PEX14: variants seen among roughly 807,000 people sequenced by gnomAD.
PEX14 encodes the protein peroxisomal membrane protein PEX14.
A neutral mutation model predicts 49.5 loss-of-function variants in PEX14; 15 were observed. That is an observed-to-expected ratio of 0.30 (90% CI 0.20 to 0.47). The LOEUF (loss-of-function observed/expected upper bound fraction) is 0.47, where lower values mean the gene tolerates loss of function less well. Among genes scored for constraint, PEX14 ranks in the 20% least tolerant of loss-of-function variants. The pLI is 1.00. For synonymous variants in PEX14, 210 were observed against 212.7 expected, an observed-to-expected ratio of 0.99 and a Z score of 0.11; for missense variants, 398 against 494.8, an observed-to-expected ratio of 0.80 and a Z score of 1.86.
rs1448588515 is a variant in PEX14, at chr1:10,480,212, TG to T, written c.36+5211del. ...TTGCCCTCTCAATGTTTTTTTTTTT[TG>T]TTTTGTTTTGTTTTTGAGATGGAGT... On this transcript the variant is annotated intron_variant, in intron 1 of 8. Coordinates refer to ENST00000356607, the MANE Select transcript of PEX14 (RefSeq NM_004565.3). Among the ~76,000 whole-genome samples the T allele has an allele frequency of 5.4e-3, 751 of 139,476 alleles. 7 individuals are homozygous for T. The highest frequency in any genetic ancestry group is 0.017 in the African/African-American group (644 of 36,950). The allele number at this position is 139,476 out of a possible 152,430, so 91.5% of individuals were successfully genotyped here.
At chr1:10,593,724 C>T (rs1227506640) in intron 3 of PEX14, among the ~76,000 whole-genome samples, 2 of 152,076 alleles carry the variant, frequency 1.3e-5, no homozygotes, top group Non-Finnish European at 2.9e-5. Flanking sequence ...GTGGGGGAGG[C>T]CCCATAAACA....
At chr1:10,578,541 A>T (rs185503440) in intron 3 of PEX14, among the ~76,000 whole-genome samples, 28 of 152,282 alleles carry the variant, frequency 1.8e-4, no homozygotes, top group African/African-American at 6.5e-4. Context: ...GTATAAAATT[A>T]AAAAACTACT....
chr1:10,623,247 G>A lies in PEX14; in HGVS notation c.487+126G>A. The A allele has an allele frequency of 2.0e-5, 14 of 705,994 alleles. No homozygotes were observed. In the South Asian group the frequency reaches 2.1e-4, roughly 11 times the overall value. The allele number at this position is 705,994 out of a possible 1,614,324, so 43.7% of individuals were successfully genotyped here. On this transcript the variant is annotated intron_variant, in intron 6 of 8. Coordinates refer to ENST00000356607, the MANE Select transcript of PEX14 (RefSeq NM_004565.3). This position sits in a 1 kb window ranked among gnomAD's most constrained non-coding sequence, Gnocchi z 4.4. ...CTTCATTTATCTGCTCTGAGAATCT[G>A]TTCACATTTGCAAATGAAGCCGCCG... is the stretch of plus-strand genomic sequence containing the variant.
At chr1:10,515,917 G>C (rs1455734841) in intron 2 of PEX14, among the ~76,000 whole-genome samples, 1 of 152,168 alleles carries the variant, frequency 6.6e-6, no homozygotes, top group Non-Finnish European at 1.5e-5. Flanking sequence ...ATTAGCCTCT[G>C]TGTGTTGGGC....
At chr1:10,480,827 G>GTC (rs1182681140) in intron 1 of PEX14, among the ~76,000 whole-genome samples, 4 of 149,132 alleles carry the variant, frequency 2.7e-5, no homozygotes, top group East Asian at 1.9e-4. Flanking sequence ...CTTTATGTCA[G>GTC]TCTCTCTCTC....
chr1:10,554,490 G>A (rs181432399), intron 3 of PEX14, among the ~76,000 whole-genome samples: 102 of 152,240 alleles, frequency 6.7e-4, no homozygotes, highest in Non-Finnish European at 1.1e-3. Flanking sequence ...AAGAGGCAGG[G>A]AGAAGGGCAT....
intron 4 of PEX14, among the ~76,000 whole-genome samples, chr1:10,616,612 G>C (rs1164308698): frequency 6.6e-6 from 1 of 152,178 alleles, no homozygotes; most frequent in Admixed American, 6.5e-5. Flanking sequence ...TCCTTCGGGG[G>C]GAGGCAGAGC....
chr1:10,555,972 C>T (rs955603813), intron 3 of PEX14, among the ~76,000 whole-genome samples: 8 of 151,820 alleles, frequency 5.3e-5, no homozygotes, highest in Non-Finnish European at 7.4e-5. Flanking sequence ...ATGTCCTTGG[C>T]GCAGGCACTG....
In PEX14 at chr1:10,629,666, C is replaced by A. The variant is rs781645950; in HGVS notation, c.813C>A (p.Ser271=). The change falls in exon 9 of 9, where the codon TCC becomes TCA. Residue 271 remains serine, a synonymous_variant. Coordinates refer to ENST00000356607, the MANE Select transcript of PEX14 (RefSeq NM_004565.3). This position sits in a 1 kb window ranked among gnomAD's most constrained non-coding sequence, Gnocchi z 8.5. ...ACATCTCACCTGTCAGCAACGAGTC[C>A]ACGTCGTCCTCGCCTGGGAAGGAGG... ...SSDISPVSNE[S]TSSSPGKEGH... 1.9e-6 allele frequency: 3 copies of A among 1,613,796 alleles called. No individual in the cohort carries two copies. In the African/African-American group the frequency reaches 4.0e-5, roughly 22 times the overall value.
intron 3 of PEX14, among the ~76,000 whole-genome samples, chr1:10,594,925 G>T (rs1185135728): frequency 6.6e-6 from 1 of 152,120 alleles, no homozygotes; most frequent in Non-Finnish European, 1.5e-5. Flanking sequence ...ATCTTCTAGG[G>T]GATAAAAATA....
rs1428408007 is a variant in PEX14 at position 10,609,773 on chromosome 1, T to C, written c.299-8559T>C. ...GGTGGCGGGCGCCTGTAATCCCAGCTACTCGAGAGGATGAGGCAGGAGAAT... is the reference window on the plus strand; with the variant it reads ...GGTGGCGGGCGCCTGTAATCCCAGCCACTCGAGAGGATGAGGCAGGAGAAT... On this transcript the variant is annotated intron_variant, in intron 4 of 8. Transcript: ENST00000356607. Among the ~76,000 whole-genome samples the C allele has an allele frequency of 1.5e-4, 23 of 152,062 alleles. 1 individual carries two copies. The highest frequency in any genetic ancestry group is 1.5e-3 in the Admixed American group (23 of 15,258).
At chr1:10,497,483 A>T (rs945201187) in intron 2 of PEX14, among the ~76,000 whole-genome samples, 1 of 152,222 alleles carries the variant, frequency 6.6e-6, no homozygotes, top group Non-Finnish European at 1.5e-5. Context: ...CAGACAATTG[A>T]GGAATAAAAC....
intron 3 of PEX14, among the ~76,000 whole-genome samples, chr1:10,584,825 G>A (rs1640432415): frequency 6.6e-6 from 1 of 152,098 alleles, no homozygotes; most frequent in African/African-American, 2.4e-5. Context: ...GATCTTACAT[G>A]GAAACATAGA....
intron 3 of PEX14, among the ~76,000 whole-genome samples, chr1:10,538,916 A>G (rs565394970): frequency 2.0e-5 from 3 of 152,228 alleles, no homozygotes; most frequent in African/African-American, 2.4e-5. Context: ...ACTTCAGGGA[A>G]TTGCAGTGGA....
intron 4 of PEX14, among the ~76,000 whole-genome samples, chr1:10,608,322 A>T (rs12722934): frequency 0.67 from 101,792 of 152,062 alleles, 35,713 homozygotes; most frequent in Non-Finnish European, 0.79. Flanking sequence ...CCTATACCTT[A>T]TGTTCAAAAG....
At chr1:10,625,836 C>T (rs1217098966) in intron 7 of PEX14, among the ~76,000 whole-genome samples, 1 of 152,196 alleles carries the variant, frequency 6.6e-6, no homozygotes, top group African/African-American at 2.4e-5. Flanking sequence ...CCGGGATGTG[C>T]TTGGTGGTGA....
At chr1:10,568,102 T>A (rs1375024818) in intron 3 of PEX14, among the ~76,000 whole-genome samples, 1 of 152,220 alleles carries the variant, frequency 6.6e-6, no homozygotes, top group Non-Finnish European at 1.5e-5. Context: ...AGGTGCTATA[T>A]GTAAATAACA....
chr1:10,613,369 C>A lies in PEX14; in HGVS notation c.299-4963C>A, dbSNP rs532697494. Among the ~76,000 whole-genome samples the A allele has an allele frequency of 6.6e-6, 1 of 152,326 alleles. No homozygotes were observed. Among genetic ancestry groups the A allele is most frequent in the Non-Finnish European group, 1.5e-5 (1 of 68,036 alleles). On this transcript the variant is annotated intron_variant, in intron 4 of 8. Transcript: ENST00000356607. The surrounding 1 kb of genome is among the most constrained non-coding windows in gnomAD (Gnocchi z 5.0). ...GGTTTTACCCAAACTGGAGCCTTTG[C>A]GCAGGCTGACCTCCATGGAGCCGGG...
intron 3 of PEX14, among the ~76,000 whole-genome samples, chr1:10,598,670 T>C (rs972853703): frequency 6.6e-6 from 1 of 152,234 alleles, no homozygotes; most frequent in African/African-American, 2.4e-5. Context: ...TGATCTGTTT[T>C]CTTGTTTTAT....
Sources: allele counts gnomAD v4.1 joint callset (sites outside exome capture counted in the v4.1 genomes callset), GRCh38; gene constraint gnomAD v4.1.1; non-coding constraint Gnocchi (gnomAD v3.1); transcripts MANE v1.5; gene names NCBI Gene and HGNC (gene_info 2026-07-23, HGNC 2026-07-21).